Variants in ATG2B observed in about 807,000 individuals in gnomAD.
The protein encoded by ATG2B is autophagy related 2B, also known as autophagy-related protein 2 homolog B.
ATG2B carries 121 observed loss-of-function variants against 241.3 expected under a neutral mutation model. The ratio of observed to expected loss-of-function variants is 0.50; its 90% CI spans 0.43 to 0.58. ATG2B has a LOEUF of 0.58. ATG2B is among the 20% of genes least tolerant of loss of function. The probability of loss-of-function intolerance (pLI) is 0.00; values close to 1 mark genes in which losing one functional copy is unlikely to be tolerated. For missense variants in ATG2B, 2,306 were observed against 2,491.6 expected (o/e 0.93, Z 1.59); for synonymous variants, 858 against 876.6 (o/e 0.98, Z 0.37).
rs73363254 is a variant in ATG2B, at chr14:96,323,753, C to T, written c.2540+143G>A. 5,743 of 666,160 alleles carry T rather than the reference C, an allele frequency of 8.6e-3. 256 individuals are homozygous for T. In the African/African-American group the frequency reaches 0.094, roughly 11 times the overall value. 41.3% of individuals were successfully genotyped at this position (666,160 alleles called of 1,614,324 possible). Reference sequence around the variant, plus strand: ...GACACATCTCACACATTCATGTGAACACCCAATCATCACGCTTATGAACCA... The same window carrying T: ...GACACATCTCACACATTCATGTGAATACCCAATCATCACGCTTATGAACCA... On this transcript the variant is annotated intron_variant, in intron 16 of 41. Transcript: ENST00000359933.
intron 6 of ATG2B, among the ~76,000 whole-genome samples, chr14:96,339,401 A>G (rs180738112): frequency 6.6e-6 from 1 of 151,978 alleles, no homozygotes; most frequent in African/African-American, 2.4e-5. Context: ...ATGTGTATAT[A>G]TGTATGTGGT....
Position 96,290,086 on chromosome 14 carries a change from T to C in ATG2B, c.5857-281A>G, listed in dbSNP as rs1382593170. 2.5e-6 allele frequency: 3 copies of C among 1,214,610 alleles called. No individual in the cohort carries two copies. The highest frequency in any genetic ancestry group is 3.1e-6 in the Non-Finnish European group (3 of 953,654). 75.2% of individuals were successfully genotyped at this position (1,214,610 alleles called of 1,614,324 possible). ...ACATTTCCACATCAGTCTATGGAGCTTAATACTTACTAGAATGATCTTTAA... is the reference window on the plus strand; with the variant it reads ...ACATTTCCACATCAGTCTATGGAGCCTAATACTTACTAGAATGATCTTTAA... On this transcript the variant is annotated intron_variant, in intron 40 of 41. Coordinates refer to ENST00000359933, the MANE Select transcript of ATG2B (RefSeq NM_018036.7). This position sits in a 1 kb window ranked among gnomAD's most constrained non-coding sequence, Gnocchi z 4.4.
chr14:96,329,398 T>C, intron 12 of ATG2B, 86 bp downstream of exon 12: 1 of 951,614 alleles, frequency 1.1e-6, no homozygotes, highest in African/African-American at 1.7e-5. Flanking sequence ...CTATACATTT[T>C]TAAAGAAAAT....
At position 96,328,548 on chromosome 14, in the gene ATG2B, AAAAAG is replaced by A. The variant is rs766559368; in HGVS notation, c.1975-18_1975-14del. On this transcript the variant is annotated splice_polypyrimidine_tract_variant and intron_variant, in intron 13 of 41. Transcript: ENST00000359933. ...TTGCTTGATTACCCTTTTAAAAAAA[AAAAAG>A]AAAAGGCATTAATACAATCACTAAA... 22 of 1,581,998 alleles carry A rather than the reference AAAAAG, an allele frequency of 1.4e-5. No individual in the cohort carries two copies. The highest frequency in any genetic ancestry group is 1.8e-5 in the Non-Finnish European group (21 of 1,170,390).
chr14:96,344,621 G>A (rs1414769161), intron 4 of ATG2B, 33 bp downstream of exon 4: 2 of 1,228,244 alleles, frequency 1.6e-6, no homozygotes, highest in South Asian at 1.3e-5. Flanking sequence ...AGTTACAATA[G>A]GGTCATTTAT....
intron 1 of ATG2B, among the ~76,000 whole-genome samples, chr14:96,360,444 T>C (rs964540836): frequency 5.3e-5 from 8 of 152,220 alleles, no homozygotes; most frequent in Admixed American, 2.0e-4. Context: ...CTGAAAACAA[T>C]GTCTATTAAA....
At chr14:96,316,786 C>T in intron 20 of ATG2B, 103 bp from the exon 21 acceptor site, 1 of 939,132 alleles carries the variant, frequency 1.1e-6, no homozygotes, top group Non-Finnish European at 1.6e-6. Context: ...GAAAATCTCC[C>T]ATACTGCAGC....
chr14:96,330,291 T>C (rs1432412370), intron 11 of ATG2B, among the ~76,000 whole-genome samples: 1 of 152,180 alleles, frequency 6.6e-6, no homozygotes, highest in Non-Finnish European at 1.5e-5. Context: ...TTGTATTAGG[T>C]GTAAAACTAC....
At chr14:96,338,066 C>A (rs1887912350) in intron 6 of ATG2B, among the ~76,000 whole-genome samples, 1 of 151,872 alleles carries the variant, frequency 6.6e-6, no homozygotes, top group South Asian at 2.1e-4. Context: ...AGGGATTGAG[C>A]TCTTGATTTG....
intron 1 of ATG2B, among the ~76,000 whole-genome samples, chr14:96,360,933 CAAAAAA>C (rs35630598): frequency 8.1e-5 from 6 of 73,708 alleles, no homozygotes; most frequent in Admixed American, 1.6e-4. Flanking sequence ...AATCCTCTAC[CAAAAAA>C]AAAAAAAAAA....
chr14:96,335,288 A>G (rs900131929), intron 6 of ATG2B, among the ~76,000 whole-genome samples: 1 of 152,240 alleles, frequency 6.6e-6, no homozygotes, highest in African/African-American at 2.4e-5. Flanking sequence ...GAAAAATAAT[A>G]GAATTAACAA....
chr14:96,282,532 T>C lies in ATG2B; in HGVS notation c.*3223A>G, dbSNP rs548281807. 5 of 152,268 alleles carry C rather than the reference T, an allele frequency of 3.3e-5. No homozygotes were observed. Among genetic ancestry groups the C allele is most frequent in the Admixed American group, 6.5e-5 (1 of 15,292 alleles). The allele number at this position is 152,268 out of a possible 1,614,324, so 9.4% of individuals were successfully genotyped here. A position where few individuals can be genotyped will look rare whatever the true frequency, so the allele number is the denominator to read the frequency against. ...TCAGACGCCAAGTCACACAGCTCTT[T>C]ACACATTGAAAATCTGAGTTAATGT... On this transcript the variant is annotated 3_prime_UTR_variant, in exon 42 of 42. Coordinates refer to ENST00000359933, the MANE Select transcript of ATG2B (RefSeq NM_018036.7).
Position 96,347,256 on chromosome 14 carries a change from C to T in ATG2B, c.248G>A (p.Trp83Ter). 1 of 1,612,092 alleles carries T rather than the reference C, an allele frequency of 6.2e-7. No individual in the cohort carries two copies. The highest frequency in any genetic ancestry group is 8.5e-7 in the Non-Finnish European group (1 of 1,178,434). The change falls in exon 2 of 42, where the codon TGG becomes TAG. Residue 83 changes from tryptophan (W) to a stop codon, truncating the protein, a stop_gained. Coordinates refer to ENST00000359933, the MANE Select transcript of ATG2B (RefSeq NM_018036.7). LOFTEE classifies it high-confidence loss of function. ...ACAATTATCCTGCAGTAAAGAGCCCCATGGAACTGACAGGGAAATTGACTG... is the reference window on the plus strand; with the variant it reads ...ACAATTATCCTGCAGTAAAGAGCCCTATGGAACTGACAGGGAAATTGACTG... ...FIQSISLSVPWGSLLQDNCAL... is the reference protein window; with the variant it reads ...FIQSISLSVP
In ATG2B at chr14:96,290,357, G is replaced by A. The variant is rs529084704; in HGVS notation, c.5856+79C>T. 1 of 1,504,882 alleles carries A rather than the reference G, an allele frequency of 6.6e-7. No individual in the cohort carries two copies. Among genetic ancestry groups the A allele is most frequent in the East Asian group, 2.3e-5 (1 of 43,956 alleles). The allele number at this position is 1,504,882 out of a possible 1,614,324, so 93.2% of individuals were successfully genotyped here. On this transcript the variant is annotated intron_variant, in intron 40 of 41. Transcript: ENST00000359933. This position sits in a 1 kb window ranked among gnomAD's most constrained non-coding sequence, Gnocchi z 4.4. ...TCACAACATTTTGTATATCTTCACA[G>A]TATCGTTTTAAAAACAAAAGGACCC...
intron 18 of ATG2B, among the ~76,000 whole-genome samples, chr14:96,319,164 G>A (rs965557174): frequency 6.6e-6 from 1 of 152,046 alleles, no homozygotes; most frequent in Non-Finnish European, 1.5e-5. Flanking sequence ...CCTAGAAGGT[G>A]TACACCAGGA....
In ATG2B at chr14:96,305,755, T is replaced by C; in HGVS notation, c.4567A>G (p.Asn1523Asp). 1 of 1,614,206 alleles carries C rather than the reference T, an allele frequency of 6.2e-7. No homozygotes were observed. The highest frequency in any genetic ancestry group is 8.5e-7 in the Non-Finnish European group (1 of 1,180,034). ...MVDDAIVIRDNYFSLPVNKTD... is the reference protein window; with the variant it reads ...MVDDAIVIRDDYFSLPVNKTD... Reference sequence around the variant, plus strand: ...TTATTAACGGGCAGACTGAAATAATTGTCTCTTATCACAATTGCATCATCA... The same window carrying C: ...TTATTAACGGGCAGACTGAAATAATCGTCTCTTATCACAATTGCATCATCA... Residue 1523 changes from asparagine (N) to aspartate (D), a missense_variant, in exon 31 of 42, where the codon AAT becomes GAT. Coordinates refer to ENST00000359933, the MANE Select transcript of ATG2B (RefSeq NM_018036.7).
chr14:96,356,672 G>A (rs924431241), intron 1 of ATG2B, among the ~76,000 whole-genome samples: 1 of 152,034 alleles, frequency 6.6e-6, no homozygotes, highest in Non-Finnish European at 1.5e-5. Flanking sequence ...GTATGGAAGG[G>A]GCCAGAAGCC....
chr14:96,353,306 G>C (rs1484442176), intron 1 of ATG2B, among the ~76,000 whole-genome samples: 1 of 152,160 alleles, frequency 6.6e-6, no homozygotes, highest in Non-Finnish European at 1.5e-5. Context: ...GTAAGCCCTA[G>C]AGCAACCACT....
chr14:96,321,967 G>C (rs750073625), intron 18 of ATG2B, 145 bp downstream of exon 18: 2 of 598,156 alleles, frequency 3.3e-6, no homozygotes, highest in Non-Finnish European at 5.5e-6. Flanking sequence ...ACATCATAAC[G>C]GCAATAGTCA....
Sources: gnomAD v4.1 joint callset for allele counts (sites outside exome capture counted in the v4.1 genomes callset) on GRCh38, gnomAD v4.1.1 for gene constraint, Gnocchi (gnomAD v3.1) non-coding constraint, MANE v1.5 for transcripts, NCBI Gene and HGNC (gene_info 2026-07-23, HGNC 2026-07-21) for gene names.